The following ZDHHC17 variants were observed in gnomAD, a reference collection of about 807,000 sequenced individuals.
ZDHHC17 encodes palmitoyltransferase ZDHHC17.
In ZDHHC17, 40 loss-of-function variants were observed where a neutral mutation model predicts 90.3. The ratio of observed to expected loss-of-function variants is 0.44; its 90% CI spans 0.34 to 0.58. The LOEUF is 0.58. Ranked by LOEUF, ZDHHC17 falls within the 20% of genes least tolerant of loss-of-function variation. ZDHHC17 has a pLI of 0.01. For missense variants in ZDHHC17, 614 were observed against 780.8 expected (o/e 0.79, Z 2.55); for synonymous variants, 235 against 252.4 (o/e 0.93, Z 0.65).
At chr12:76,850,123 G>C (rs1026017390) in intron 16 of ZDHHC17, among the ~76,000 whole-genome samples, 1 of 151,918 alleles carries the variant, frequency 6.6e-6, no homozygotes, top group Non-Finnish European at 1.5e-5. Flanking sequence ...CACCATCTTG[G>C]CCAGGCTGGT....
chr12:76,847,627 G>T (rs1485975710), intron 14 of ZDHHC17, among the ~76,000 whole-genome samples: 2 of 152,232 alleles, frequency 1.3e-5, no homozygotes, highest in Non-Finnish European at 2.9e-5. Flanking sequence ...GCAGAGGCAG[G>T]TGGGCCAGTT....
At chr12:76,842,522 T>C (rs1035300928) in intron 11 of ZDHHC17, among the ~76,000 whole-genome samples, 1 of 152,180 alleles carries the variant, frequency 6.6e-6, no homozygotes, top group Non-Finnish European at 1.5e-5. Context: ...GGGCATCCCT[T>C]TCTTATAATG....
intron 2 of ZDHHC17, among the ~76,000 whole-genome samples, chr12:76,802,222 G>A (rs754243506): frequency 6.6e-6 from 1 of 152,184 alleles, no homozygotes; most frequent in Non-Finnish European, 1.5e-5. Flanking sequence ...CTGAATATAG[G>A]ATTTTTGGTT....
chr12:76,787,552 A>G (rs906786108), intron 1 of ZDHHC17, among the ~76,000 whole-genome samples: 2 of 152,214 alleles, frequency 1.3e-5, no homozygotes, highest in Admixed American at 6.5e-5. Context: ...TACTTTTCCA[A>G]TATTGCATTT....
At chr12:76,808,176 T>TA (rs1251150558) in intron 3 of ZDHHC17, among the ~76,000 whole-genome samples, 103 of 152,346 alleles carry the variant, frequency 6.8e-4, no homozygotes, top group African/African-American at 2.4e-3. Flanking sequence ...AATGCATTAC[T>TA]GATCTAGAGC....
chr12:76,786,961 C>T (rs890095803), intron 1 of ZDHHC17, among the ~76,000 whole-genome samples: 1 of 152,190 alleles, frequency 6.6e-6, no homozygotes, highest in African/African-American at 2.4e-5. Context: ...TACAATACTT[C>T]TTAGGATTTT....
At chr12:76,835,313 A>G (rs1384598103) in intron 10 of ZDHHC17, among the ~76,000 whole-genome samples, 3 of 152,144 alleles carry the variant, frequency 2.0e-5, no homozygotes, top group Non-Finnish European at 4.4e-5. Flanking sequence ...GGCCTCCCAA[A>G]GTGCTGGGAT....
chr12:76,774,289 T>A (rs2137714808), intron 1 of ZDHHC17, among the ~76,000 whole-genome samples: 1 of 151,894 alleles, frequency 6.6e-6, no homozygotes, highest in South Asian at 2.1e-4. Flanking sequence ...TGTATGTGTA[T>A]GTGTGTAAAT....
At chr12:76,788,571 T>C (rs577593751) in intron 1 of ZDHHC17, among the ~76,000 whole-genome samples, 1 of 151,076 alleles carries the variant, frequency 6.6e-6, no homozygotes, top group Admixed American at 6.6e-5. Flanking sequence ...AAAAGTGTAA[T>C]ACAAATATAT....
intron 13 of ZDHHC17, 63 bp downstream of exon 13, chr12:76,845,865 G>A (rs1337851872): frequency 1.1e-6 from 1 of 910,964 alleles, no homozygotes; most frequent in South Asian, 1.5e-5. Flanking sequence ...AATGAATAAA[G>A]TATAATATTA....
intron 5 of ZDHHC17, 60 bp from the exon 6 acceptor site, chr12:76,815,086 C>G (rs1374398605): frequency 2.3e-6 from 3 of 1,278,572 alleles, no homozygotes; most frequent in African/African-American, 3.0e-5. Context: ...TTTTTCCAAG[C>G]AAATTTGGTT....
intron 5 of ZDHHC17, chr12:76,813,386 T>C (rs926576276): frequency 4.7e-5 from 21 of 449,312 alleles, no homozygotes; most frequent in African/African-American, 3.6e-4. Context: ...GACAACACTA[T>C]TAAAGTAAAT....
rs1375689585 is a variant in ZDHHC17, at chr12:76,850,916, C to T, written c.1830C>T (p.Ile610=). The change falls in exon 17 of 17, where the codon ATC becomes ATT. Residue 610 remains isoleucine (I), a synonymous_variant. Transcript: ENST00000426126. ...FRCCGLFRPV[I]VDWTRQYTIE... ...GCTGTGGCCTCTTTCGTCCTGTTAT[C>T]GTGGACTGGACCAGGCAGTATACAA... The T allele has an allele frequency of 3.7e-6, 6 of 1,613,752 alleles. No homozygotes were observed. Among genetic ancestry groups the T allele is most frequent in the East Asian group, 2.2e-5 (1 of 44,886 alleles).
chr12:76,811,721 C>G (rs985592040), intron 5 of ZDHHC17, among the ~76,000 whole-genome samples: 1 of 100,652 alleles, frequency 9.9e-6, no homozygotes, highest in Admixed American at 1.1e-4. Context: ...AATCTCACCT[C>G]TCCCCTTGGC....
At chr12:76,795,306 T>C (rs2137742966) in intron 1 of ZDHHC17, among the ~76,000 whole-genome samples, 2 of 150,908 alleles carry the variant, frequency 1.3e-5, no homozygotes, top group South Asian at 4.1e-4. Flanking sequence ...TTGTTGTTGA[T>C]CTTGATTACT....
intron 5 of ZDHHC17, 63 bp downstream of exon 5, chr12:76,809,920 A>G (rs1952999729): frequency 2.0e-6 from 3 of 1,530,144 alleles, no homozygotes; most frequent in South Asian, 2.4e-5. Context: ...AATGCCTAAT[A>G]TTATTGGTGT....
At chr12:76,834,761 T>A (rs575334332) in intron 10 of ZDHHC17, among the ~76,000 whole-genome samples, 8 of 152,334 alleles carry the variant, frequency 5.3e-5, no homozygotes, top group Admixed American at 2.6e-4. Context: ...GGGATCAGTA[T>A]CTTTTTCCCT....
intron 5 of ZDHHC17, among the ~76,000 whole-genome samples, chr12:76,812,842 C>A (rs1003395685): frequency 6.6e-6 from 1 of 151,936 alleles, no homozygotes. Context: ...ACTACCAATT[C>A]TTTTGGATGA....
chr12:76,820,900 A>G (rs1175894177), intron 7 of ZDHHC17, among the ~76,000 whole-genome samples: 2 of 152,206 alleles, frequency 1.3e-5, no homozygotes, highest in Non-Finnish European at 2.9e-5. Flanking sequence ...GTGATCAAAT[A>G]GATATAGACT....
Sources: allele counts gnomAD v4.1 joint callset (sites outside exome capture counted in the v4.1 genomes callset), GRCh38; gene constraint gnomAD v4.1.1; transcripts MANE v1.5; gene names NCBI Gene and HGNC (gene_info 2026-07-23, HGNC 2026-07-21).